MYOZ1: variants seen among roughly 807,000 people sequenced by gnomAD.
The protein encoded by MYOZ1 is myozenin-1.
In MYOZ1, 20 loss-of-function variants were observed where a neutral mutation model predicts 28.7. The observed-to-expected ratio is 0.70, with a 90% CI of 0.49 to 1.01. The LOEUF (loss-of-function observed/expected upper bound fraction) is 1.01, where lower values mean the gene tolerates loss of function less well. MYOZ1 is among the 50% of genes least tolerant of loss of function. MYOZ1 has a pLI of 0.00. For missense variants in MYOZ1, 371 were observed against 372.4 expected, an observed-to-expected ratio of 1.00 and a Z score of 0.03; for synonymous variants, 144 against 145.8, an observed-to-expected ratio of 0.99 and a Z score of 0.09.
intron 1 of MYOZ1, among the ~76,000 whole-genome samples, chr10:73,641,069 T>C (rs2081701091): frequency 6.6e-6 from 1 of 152,214 alleles, no homozygotes; most frequent in South Asian, 2.1e-4. Context: ...CAAACTGGGA[T>C]AAGATGGACT....
intron 1 of MYOZ1, 82 bp downstream of exon 1, chr10:73,641,329 T>C (rs2132410384): frequency 6.6e-6 from 1 of 152,054 alleles, no homozygotes; most frequent in East Asian, 2.0e-4. Context: ...TCCCCCAGGA[T>C]CAAGAATCAC....
Position 73,634,006 on chromosome 10 carries a change from A to AT in MYOZ1, c.561dup (p.Trp188MetfsTer8). On this transcript the variant is annotated frameshift_variant, in exon 5 of 6. Transcript: ENST00000359322. LOFTEE classifies it high-confidence loss of function. Reference sequence around the variant, plus strand: ...GGGTCAACCCCCATGGCTCGCTCCCATGGGGAAATATAGGTCTTGAACACA... The same window carrying AT: ...GGGTCAACCCCCATGGCTCGCTCCCATTGGGGAAATATAGGTCTTGAACACA... 1 of 1,614,074 alleles carries AT rather than the reference A, an allele frequency of 6.2e-7. No homozygotes were observed. The highest frequency in any genetic ancestry group is 2.2e-5 in the East Asian group (1 of 44,872).
intron 3 of MYOZ1, among the ~76,000 whole-genome samples, 195 bp downstream of exon 3, chr10:73,637,549 A>G (rs1294578616): frequency 2.6e-5 from 4 of 152,124 alleles, no homozygotes; most frequent in Non-Finnish European, 5.9e-5. Flanking sequence ...CAGTGGCTCT[A>G]TGATGAAAAC....
In MYOZ1 at chr10:73,633,908, G is replaced by A; in HGVS notation, c.660C>T (p.Ser220=). 1.1e-5 allele frequency: 17 copies of A among 1,608,182 alleles called. No individual in the cohort carries two copies. Among genetic ancestry groups the A allele is most frequent in the Non-Finnish European group, 1.4e-5 (16 of 1,177,146 alleles). The change falls in exon 5 of 6, where the codon TCC becomes TCT. Residue 220 remains serine (S), a synonymous_variant. Transcript: ENST00000359322. ...TTCCTCACCACCCCTACCTGTTGAA[G>A]GACTTATATTTGGGAAGTTCAGCTT... ...GAKAELPKYK[S]FNRTAMPYGG...
At chr10:73,635,578 G>T (rs1324010661) in intron 3 of MYOZ1, among the ~76,000 whole-genome samples, 1 of 151,284 alleles carries the variant, frequency 6.6e-6, no homozygotes, top group African/African-American at 2.4e-5. Flanking sequence ...TAGAGACAGG[G>T]TTTGCCATGT....
In MYOZ1 at chr10:73,634,467, T is replaced by C. The variant is rs200015010; in HGVS notation, c.502+17A>G. 6.2e-7 allele frequency: 1 copy of C among 1,613,518 alleles called. No homozygotes were observed. Among genetic ancestry groups the C allele is most frequent in the East Asian group, 2.2e-5 (1 of 44,876 alleles). On this transcript the variant is annotated intron_variant, in intron 4 of 5. Transcript: ENST00000359322. ...CTCTAGGGACCAAACACATTACTCTTGGGTGAGTGTACTTGCCTGATCCTG... is the reference window on the plus strand; with the variant it reads ...CTCTAGGGACCAAACACATTACTCTCGGGTGAGTGTACTTGCCTGATCCTG...
chr10:73,636,065 A>G (rs1485877521), intron 3 of MYOZ1, among the ~76,000 whole-genome samples: 1 of 151,788 alleles, frequency 6.6e-6, no homozygotes, highest in Admixed American at 6.6e-5. Context: ...CAGCACTTTT[A>G]CTCTGCTCCT....
intron 1 of MYOZ1, 40 bp from the exon 2 acceptor site, chr10:73,640,075 G>A (rs926365892): frequency 5.2e-6 from 8 of 1,525,414 alleles, no homozygotes; most frequent in Non-Finnish European, 4.5e-6. Context: ...GATGGACAGG[G>A]ACTGGGAAGA....
intron 2 of MYOZ1, among the ~76,000 whole-genome samples, chr10:73,638,292 CATAT>C (rs56801610): frequency 4.9e-5 from 7 of 143,208 alleles, no homozygotes; most frequent in East Asian, 2.0e-4. Context: ...ATACAGATGC[CATAT>C]ATATATATAT....
rs578217374 is a variant in MYOZ1 at position 73,637,912 on chromosome 10, C to A, written c.84G>T (p.Glu28Asp). 5.6e-6 allele frequency: 9 copies of A among 1,607,156 alleles called. No individual in the cohort carries two copies. In the African/African-American group the frequency reaches 9.4e-5, roughly 17 times the overall value. Reference sequence around the variant, plus strand: ...TTTTGCCCAGGTTCAAGCCTGAGCTCTCCTGTCCACCTTTCAGGGAGGCAA... The same window carrying A: ...TTTTGCCCAGGTTCAAGCCTGAGCTATCCTGTCCACCTTTCAGGGAGGCAA... Reference protein sequence around the residue: ...LIMELTGGGQESSGLNLGKKI... With the variant: ...LIMELTGGGQDSSGLNLGKKI... Residue 28 changes from glutamate to aspartate, a missense_variant, in exon 3 of 6, where the codon GAG becomes GAT. Coordinates refer to ENST00000359322, the MANE Select transcript of MYOZ1 (RefSeq NM_021245.4).
chr10:73,640,829 T>C (rs2081699481), intron 1 of MYOZ1, among the ~76,000 whole-genome samples: 1 of 152,134 alleles, frequency 6.6e-6, no homozygotes, highest in South Asian at 2.1e-4. Context: ...ACACTCTCCA[T>C]AGGAAGGAGA....
At chr10:73,639,725 G>T (rs1333773351) in intron 2 of MYOZ1, among the ~76,000 whole-genome samples, 1 of 152,062 alleles carries the variant, frequency 6.6e-6, no homozygotes, top group Non-Finnish European at 1.5e-5. Flanking sequence ...AACATGGCAG[G>T]GTATTGTCTC....
intron 3 of MYOZ1, 63 bp downstream of exon 3, chr10:73,637,681 C>T: frequency 6.8e-7 from 1 of 1,474,940 alleles, no homozygotes; most frequent in Admixed American, 2.0e-5. Flanking sequence ...AGGTTCAGGG[C>T]CTACTAACAA....
chr10:73,638,005 CTAAG>C, intron 2 of MYOZ1, 83 bp from the exon 3 acceptor site: 3 of 1,287,492 alleles, frequency 2.3e-6, no homozygotes, highest in Non-Finnish European at 2.2e-6. Flanking sequence ...TCATCCACAA[CTAAG>C]TGTGTATGTG....
At chr10:73,637,960 G>A (rs2081677493) in intron 2 of MYOZ1, 38 bp from the exon 3 acceptor site, 1 of 1,582,822 alleles carries the variant, frequency 6.3e-7, no homozygotes, top group Non-Finnish European at 8.6e-7. Context: ...AAGGGAAAGA[G>A]GAAAGTAGGG....
Position 73,638,603 on chromosome 10 carries a change from G to A in MYOZ1, c.74-681C>T, listed in dbSNP as rs113920712. On this transcript the variant is annotated intron_variant, in intron 2 of 5. Transcript: ENST00000359322. ...CCAGCCACGGCCTCCCAAAATGCTG[G>A]GATGACAGGCGTGAGCCGTGGCGCC... Among the ~76,000 whole-genome samples, 53 of 151,590 alleles carry A rather than the reference G, an allele frequency of 3.5e-4. 1 individual carries two copies. Among genetic ancestry groups the A allele is most frequent in the African/African-American group, 1.3e-3 (52 of 41,410 alleles).
At position 73,634,585 on chromosome 10, in the gene MYOZ1, TG is replaced by T. The variant is rs948237714; in HGVS notation, c.400del (p.His134IlefsTer105). On this transcript the variant is annotated frameshift_variant, in exon 4 of 6. Transcript: ENST00000359322. LOFTEE classifies it high-confidence loss of function. ...CCCAGCTCCAGACCCAGAGCCCAGA[TG>T]GTGCTGCTGATCAGAGCCATACTGT... ...AGQYGSDQQH[H>X]LGSGSGAGGT... 14 of 1,614,036 alleles carry T rather than the reference TG, an allele frequency of 8.7e-6. No homozygotes were observed. The highest frequency in any genetic ancestry group is 1.2e-5 in the Non-Finnish European group (14 of 1,180,032).
chr10:73,640,542 C>A (rs750173578), intron 1 of MYOZ1, among the ~76,000 whole-genome samples: 1 of 152,160 alleles, frequency 6.6e-6, no homozygotes, highest in Non-Finnish European at 1.5e-5. Context: ...TAGATGCACA[C>A]CAGCCCCTGT....
At chr10:73,638,551 C>T (rs956858954) in intron 2 of MYOZ1, among the ~76,000 whole-genome samples, 1 of 151,658 alleles carries the variant, frequency 6.6e-6, no homozygotes, top group Admixed American at 6.6e-5. Flanking sequence ...CCAGGCTGGT[C>T]GCAAACTCCT....
Sources: gnomAD v4.1 joint callset for allele counts (sites outside exome capture counted in the v4.1 genomes callset) on GRCh38, gnomAD v4.1.1 for gene constraint, MANE v1.5 for transcripts, NCBI Gene and HGNC (gene_info 2026-07-23, HGNC 2026-07-21) for gene names.